Variants in LY75 observed in about 807,000 individuals in gnomAD.
The protein encoded by LY75 is lymphocyte antigen 75.
LY75 carries 185 observed loss-of-function variants against 231.7 expected under a neutral mutation model. The ratio of observed to expected loss-of-function variants is 0.80; its 90% CI spans 0.71 to 0.90. The LOEUF is 0.90. Ranked by LOEUF, LY75 falls within the 40% of genes least tolerant of loss-of-function variation. LY75 has a pLI of 0.00. For missense variants in LY75, 1,947 were observed against 2,050.2 expected, an observed-to-expected ratio of 0.95 and a Z score of 0.97; for synonymous variants, 668 against 689.0, an observed-to-expected ratio of 0.97 and a Z score of 0.48.
intron 31 of LY75, chr2:159,814,068 G>C (rs1053236107): frequency 6.6e-6 from 1 of 152,036 alleles, no homozygotes; most frequent in African/African-American, 2.4e-5. Flanking sequence ...ACCAAATGTT[G>C]AATCTGCCGT....
intron 16 of LY75, among the ~76,000 whole-genome samples, chr2:159,856,654 C>A (rs937500307): frequency 6.6e-6 from 1 of 152,096 alleles, no homozygotes; most frequent in Non-Finnish European, 1.5e-5. Flanking sequence ...GTGATTGGGA[C>A]AGGCTGAGAA....
intron 30 of LY75, 35 bp downstream of exon 30, chr2:159,816,771 T>C (rs1458059903): frequency 6.2e-7 from 1 of 1,607,354 alleles, no homozygotes; most frequent in Admixed American, 1.7e-5. Flanking sequence ...AAATAACACA[T>C]TTGAAAAGTT....
intron 34 of LY75, 137 bp downstream of exon 34, chr2:159,806,836 C>T: frequency 9.4e-7 from 1 of 1,059,132 alleles, no homozygotes; most frequent in Non-Finnish European, 1.3e-6. Flanking sequence ...ATCTCTATGA[C>T]TTAATCAAGA....
chr2:159,891,860 C>T (rs1304115982), intron 3 of LY75, among the ~76,000 whole-genome samples: 2 of 152,198 alleles, frequency 1.3e-5, no homozygotes, highest in Non-Finnish European at 2.9e-5. Context: ...CATTGGATTA[C>T]CTCTAAGCAA....
chr2:159,818,491 T>G (rs74523824), intron 29 of LY75, among the ~76,000 whole-genome samples: 1 of 151,720 alleles, frequency 6.6e-6, no homozygotes, highest in African/African-American at 2.4e-5. Context: ...CCAGCAAAAA[T>G]AAGAAAAGTC....
intron 11 of LY75, among the ~76,000 whole-genome samples, chr2:159,877,352 T>G (rs766548303): frequency 6.6e-5 from 10 of 152,224 alleles, no homozygotes; most frequent in Non-Finnish European, 1.5e-4. Flanking sequence ...GTAGAATGCT[T>G]TATACTGCTG....
chr2:159,837,952 T>G (rs990811703), intron 25 of LY75, among the ~76,000 whole-genome samples: 2 of 152,178 alleles, frequency 1.3e-5, no homozygotes, highest in African/African-American at 4.8e-5. Context: ...CTTGACTTCC[T>G]TTAATTCTAT....
At chr2:159,854,708 C>T (rs973163802) in intron 17 of LY75, among the ~76,000 whole-genome samples, 173 bp from the exon 18 acceptor site, 4 of 152,198 alleles carry the variant, frequency 2.6e-5, no homozygotes, top group Admixed American at 6.5e-5. Context: ...GACTCTGCCA[C>T]TCCCCTACAC....
intron 29 of LY75, among the ~76,000 whole-genome samples, chr2:159,819,167 C>T (rs1683211125): frequency 6.6e-6 from 1 of 152,088 alleles, no homozygotes; most frequent in African/African-American, 2.4e-5. Flanking sequence ...GAGCTTTGGG[C>T]ACAGTGGGAG....
intron 31 of LY75, 76 bp downstream of exon 31, chr2:159,815,329 C>T: frequency 6.7e-7 from 1 of 1,483,914 alleles, no homozygotes; most frequent in Non-Finnish European, 9.0e-7. Flanking sequence ...AATAAAAATT[C>T]CACTGAGCTT....
At chr2:159,806,833 T>A (rs1053274599) in intron 34 of LY75, 140 bp downstream of exon 34, 37 of 1,018,260 alleles carry the variant, frequency 3.6e-5, no homozygotes, top group Admixed American at 7.2e-5. Context: ...GAAATCTCTA[T>A]GACTTAATCA....
At chr2:159,876,470 G>GA (rs1424406403) in intron 11 of LY75, among the ~76,000 whole-genome samples, 1 of 152,074 alleles carries the variant, frequency 6.6e-6, no homozygotes, top group Non-Finnish European at 1.5e-5. Context: ...AAGAAACTGG[G>GA]AAAAATAATT....
At chr2:159,857,283 A>G (rs1016427007) in intron 16 of LY75, among the ~76,000 whole-genome samples, 1 of 152,176 alleles carries the variant, frequency 6.6e-6, no homozygotes. Context: ...AGGAATAACA[A>G]TCTTCTAATA....
chr2:159,899,252 C>T (rs572257340), intron 1 of LY75, among the ~76,000 whole-genome samples, 193 bp from the exon 2 acceptor site: 52 of 152,274 alleles, frequency 3.4e-4, no homozygotes, highest in Non-Finnish European at 4.6e-4. Flanking sequence ...GGTCAGAACA[C>T]GGGCTCTGGA....
intron 31 of LY75, chr2:159,812,329 G>T (rs1682986338): frequency 1.4e-5 from 2 of 142,024 alleles, no homozygotes; most frequent in South Asian, 2.2e-4. Flanking sequence ...TGGTAAGTGT[G>T]TTACATTCCT....
At chr2:159,843,875 T>A (rs76624447) in intron 23 of LY75, among the ~76,000 whole-genome samples, 2 of 152,206 alleles carry the variant, frequency 1.3e-5, no homozygotes, top group African/African-American at 4.8e-5. Flanking sequence ...AGATTGTTTA[T>A]ACAACACATG....
In LY75 at chr2:159,817,025, G is replaced by A; in HGVS notation, c.4161C>T (p.Tyr1387=). Residue 1387 remains tyrosine, a synonymous_variant, in exon 30 of 35, where the codon TAC becomes TAT. Coordinates refer to ENST00000263636, the MANE Select transcript of LY75 (RefSeq NM_002349.4). ...ILACKIEMVD[Y]KEEYNTTLPQ... ...GCAGTGTAGTATTATATTCTTCTTT[G>A]TAGTCAACTATAATAATTAAAAGCA... is the stretch of plus-strand genomic sequence containing the variant. The A allele has an allele frequency of 1.2e-6, 2 of 1,600,986 alleles. No homozygotes were observed. The highest frequency in any genetic ancestry group is 1.7e-6 in the Non-Finnish European group (2 of 1,173,252).
At chr2:159,899,124 A>G in intron 1 of LY75, 65 bp from the exon 2 acceptor site, 2 of 1,561,424 alleles carry the variant, frequency 1.3e-6, no homozygotes, top group Admixed American at 1.7e-5. Context: ...CTGCCTGCTG[A>G]GGAGAGTCTG....
chr2:159,898,129 TCTCA>T (rs1039408045), intron 2 of LY75, among the ~76,000 whole-genome samples: 3 of 152,302 alleles, frequency 2.0e-5, no homozygotes, highest in African/African-American at 7.2e-5. Flanking sequence ...AGGATGGGTG[TCTCA>T]CTATGTTGCC....
Sources: allele counts gnomAD v4.1 joint callset (sites outside exome capture counted in the v4.1 genomes callset), GRCh38; gene constraint gnomAD v4.1.1; transcripts MANE v1.5; gene names NCBI Gene and HGNC (gene_info 2026-07-23, HGNC 2026-07-21).